CR2: variants seen among roughly 807,000 people sequenced by gnomAD.
CR2 encodes the protein complement receptor type 2.
A neutral mutation model predicts 123.0 loss-of-function variants in CR2; 96 were observed. The observed-to-expected ratio is 0.78, with a 90% CI of 0.66 to 0.93. The LOEUF (loss-of-function observed/expected upper bound fraction) is 0.93, where lower values mean the gene tolerates loss of function less well. Among genes scored for constraint, CR2 ranks in the 40% least tolerant of loss-of-function variants. CR2 has a pLI of 0.00. For synonymous variants in CR2, 484 were observed against 469.5 expected (o/e 1.03, Z -0.40); for missense variants, 1,258 against 1,361.0 (o/e 0.92, Z 1.19).
chr1:207,460,318 G>C (rs1419380710), intron 1 of CR2, among the ~76,000 whole-genome samples: 1 of 152,152 alleles, frequency 6.6e-6, no homozygotes, highest in Non-Finnish European at 1.5e-5. Flanking sequence ...GGGACCTATA[G>C]TGATATCTGG....
At position 207,482,662 on chromosome 1, in the gene CR2, T is replaced by A. The variant is rs1658636872; in HGVS notation, c.3188+2609T>A. Among the ~76,000 whole-genome samples the A allele has an allele frequency of 4.6e-5, 7 of 152,198 alleles. No homozygotes were observed. The South Asian group carries it at 1.5e-3, about 32-fold the overall frequency. On this transcript the variant is annotated intron_variant, in intron 18 of 19. Transcript: ENST00000367057. ...CAAGTACCATAAAATAACGTCGCCA[T>A]GGTGGATTATATGATATTTGGTGAG...
rs774429597 is a variant in CR2 at position 207,467,808 on chromosome 1, G to A, written c.446-719G>A. 4.6e-5 allele frequency among the ~76,000 whole-genome samples: 7 copies of A among 152,248 alleles called. No individual in the cohort carries two copies. The South Asian group carries it at 6.2e-4, about 14-fold the overall frequency. ...ATATGTATGGACATGGAAGGATATC[G>A]TATACATGTCGCTAAGTAGAGGAAG... On this transcript the variant is annotated intron_variant, in intron 2 of 19. Transcript: ENST00000367057.
In CR2 at chr1:207,454,353, C is replaced by T. The variant is rs537598529; in HGVS notation, c.-66C>T. The T allele has an allele frequency of 9.2e-4, 1,298 of 1,405,570 alleles. 1 individual carries two copies. The highest frequency in any genetic ancestry group is 1.1e-3 in the Non-Finnish European group (1,106 of 1,025,580). 87.1% of individuals were successfully genotyped at this position (1,405,570 alleles called of 1,614,324 possible). The stretch of plus-strand genomic sequence containing the variant: ...AGCTGCTTGCTGCTCCAGCCTTGCC[C>T]TCCCAGAGCTGCCGGACGCTCGCGG... On this transcript the variant is annotated 5_prime_UTR_variant, in exon 1 of 20. Transcript: ENST00000367057. The surrounding 1 kb of genome is among the most constrained non-coding windows in gnomAD (Gnocchi z 4.3).
chr1:207,466,218 A>G (rs1361085858), intron 1 of CR2, among the ~76,000 whole-genome samples: 1 of 152,140 alleles, frequency 6.6e-6, no homozygotes, highest in African/African-American at 2.4e-5. Context: ...TGCCACTAAT[A>G]TGTTATTTTC....
chr1:207,461,533 T>G (rs1187335717), intron 1 of CR2, among the ~76,000 whole-genome samples: 1 of 152,146 alleles, frequency 6.6e-6, no homozygotes, highest in African/African-American at 2.4e-5. Flanking sequence ...TCAGGATAAT[T>G]GGTAACAAGG....
At chr1:207,479,769 G>T (rs1338675869) in intron 17 of CR2, among the ~76,000 whole-genome samples, 2 of 152,106 alleles carry the variant, frequency 1.3e-5, no homozygotes, top group Non-Finnish European at 2.9e-5. Flanking sequence ...TCATGTGCTT[G>T]GTGCTTTAGA....
At chr1:207,467,428 A>G (rs1046454144) in intron 2 of CR2, among the ~76,000 whole-genome samples, 1 of 152,150 alleles carries the variant, frequency 6.6e-6, no homozygotes. Flanking sequence ...TCACATTTCA[A>G]ATAAATGCCT....
At chr1:207,469,302 T>G (rs916235560) in intron 5 of CR2, 70 bp downstream of exon 5, 4 of 1,140,780 alleles carry the variant, frequency 3.5e-6, no homozygotes, top group Non-Finnish European at 5.3e-6. Context: ...GTTCAGTCAT[T>G]ACCTTACAGA....
At chr1:207,465,333 T>C (rs1658066538) in intron 1 of CR2, among the ~76,000 whole-genome samples, 1 of 152,128 alleles carries the variant, frequency 6.6e-6, no homozygotes, top group Non-Finnish European at 1.5e-5. Context: ...ATCTGTGTTA[T>C]TGTAGGGGAA....
intron 19 of CR2, among the ~76,000 whole-genome samples, chr1:207,486,554 A>G (rs912832217): frequency 1.1e-5 from 1 of 92,446 alleles, no homozygotes; most frequent in African/African-American, 4.0e-5. Context: ...GGAGCAACAC[A>G]TTCACCTTAA....
At chr1:207,470,676 G>T (rs1193852665) in intron 6 of CR2, 64 bp from the exon 7 acceptor site, 3 of 1,498,830 alleles carry the variant, frequency 2.0e-6, no homozygotes, top group African/African-American at 1.4e-5. Flanking sequence ...AATTTCTTTG[G>T]CTCAGTTTCT....
Position 207,473,145 on chromosome 1 carries a change from C to G in CR2, c.1944C>G (p.Asn648Lys), listed in dbSNP as rs1572957473. Residue 648 changes from asparagine to lysine, a missense_variant, in exon 10 of 20, where the codon AAC becomes AAG. Transcript: ENST00000367057. ...GSSQIRCKAD[N>K]TWDPEIPVCE... ...GTCAGATTCGTTGCAAAGCTGATAA[C>G]ACCTGGGATCCTGAAATACCAGTTT... 1 of 1,613,934 alleles carries G rather than the reference C, an allele frequency of 6.2e-7. No individual in the cohort carries two copies. The highest frequency in any genetic ancestry group is 8.5e-7 in the Non-Finnish European group (1 of 1,179,888).
At position 207,475,184 on chromosome 1, in the gene CR2, GGGTGCCA is replaced by G. The variant is rs755742909; in HGVS notation, c.2689_2695del (p.Pro897CysfsTer10). The G allele has an allele frequency of 1.2e-6, 2 of 1,613,856 alleles. No homozygotes were observed. The highest frequency in any genetic ancestry group is 4.5e-5 in the East Asian group (2 of 44,886). On this transcript the variant is annotated frameshift_variant, in exon 14 of 20. Coordinates refer to ENST00000367057, the MANE Select transcript of CR2 (RefSeq NM_001006658.3). LOFTEE classifies it high-confidence loss of function. ...ATTAGGTGTCATACTGATAACACAT[GGGTGCCA>G]GGTGTGCCAACTTGTATCAAAAAAG...
intron 1 of CR2, among the ~76,000 whole-genome samples, chr1:207,457,847 A>G (rs1013158383): frequency 6.6e-6 from 1 of 151,434 alleles, no homozygotes; most frequent in Non-Finnish European, 1.5e-5. Flanking sequence ...TTCTTTCTTC[A>G]TTTCTTCTTC....
intron 18 of CR2, 120 bp downstream of exon 18, chr1:207,480,173 T>C: frequency 2.6e-6 from 2 of 771,784 alleles, no homozygotes; most frequent in Non-Finnish European, 4.6e-6. Flanking sequence ...GATAACTAAA[T>C]GAAGTATCTC....
Position 207,476,224 on chromosome 1 carries a change from G to A in CR2, c.2717-10G>A, listed in dbSNP as rs1658433460. On this transcript the variant is annotated splice_polypyrimidine_tract_variant and intron_variant, in intron 14 of 19. Transcript: ENST00000367057. The stretch of plus-strand genomic sequence containing the variant: ...GCTGAGTTAAAGACCCTTTCTTATT[G>A]GTGTCTAAGCCTTCATAGGGTGTCC... The A allele has an allele frequency of 6.2e-7, 1 of 1,612,860 alleles. No individual in the cohort carries two copies. The highest frequency in any genetic ancestry group is 8.5e-7 in the Non-Finnish European group (1 of 1,179,222).
Position 207,454,717 on chromosome 1 carries a change from G to T in CR2, c.58+241G>T. The T allele has an allele frequency of 2.2e-6, 1 of 455,680 alleles. No individual in the cohort carries two copies. 28.2% of individuals were successfully genotyped at this position (455,680 alleles called of 1,614,324 possible). A position where few individuals can be genotyped will look rare whatever the true frequency, so the allele number is the denominator to read the frequency against. On this transcript the variant is annotated intron_variant, in intron 1 of 19. Transcript: ENST00000367057. The surrounding 1 kb of genome is among the most constrained non-coding windows in gnomAD (Gnocchi z 4.3). ...GCTGCGCCACAGAGGGGCGCTGTCTGGTCGGCCCGGTGTGGCTGGCGGCGT... is the reference window on the plus strand; with the variant it reads ...GCTGCGCCACAGAGGGGCGCTGTCTTGTCGGCCCGGTGTGGCTGGCGGCGT...
At chr1:207,485,977 T>C (rs1373620064) in intron 19 of CR2, among the ~76,000 whole-genome samples, 1 of 152,052 alleles carries the variant, frequency 6.6e-6, no homozygotes, top group Non-Finnish European at 1.5e-5. Flanking sequence ...ACGCCTGTAA[T>C]CCCAGCACTT....
At chr1:207,467,365 T>C (rs986297999) in intron 2 of CR2, among the ~76,000 whole-genome samples, 1 of 152,164 alleles carries the variant, frequency 6.6e-6, no homozygotes, top group African/African-American at 2.4e-5. Flanking sequence ...CTGTGGTCTC[T>C]GTAAACATGT....
Sources: allele counts gnomAD v4.1 joint callset (sites outside exome capture counted in the v4.1 genomes callset), GRCh38; gene constraint gnomAD v4.1.1; non-coding constraint Gnocchi (gnomAD v3.1); transcripts MANE v1.5; gene names NCBI Gene and HGNC (gene_info 2026-07-23, HGNC 2026-07-21).